Variants in NIPBL observed in about 807,000 individuals in gnomAD.
NIPBL encodes the protein NIPBL cohesin loading factor, also known as nipped-B-like protein.
NIPBL carries 19 observed loss-of-function variants against 321.8 expected under a neutral mutation model. That is an observed-to-expected ratio of 0.06 (90% confidence interval 0.04 to 0.09). The LOEUF (loss-of-function observed/expected upper bound fraction) is 0.09, where lower values mean the gene tolerates loss of function less well. Among genes scored for constraint, NIPBL ranks in the 10% least tolerant of loss-of-function variants. NIPBL has a pLI of 1.00. For missense variants in NIPBL, 2,210 were observed against 3,327.0 expected (o/e 0.66, Z 8.26); for synonymous variants, 1,106 against 1,114.1 (o/e 0.99, Z 0.14).
At chr5:36,913,859 A>C (rs996820984) in intron 1 of NIPBL, among the ~76,000 whole-genome samples, 1 of 152,172 alleles carries the variant, frequency 6.6e-6, no homozygotes, top group African/African-American at 2.4e-5. Flanking sequence ...AAGTAAATGG[A>C]CCAGAATAAA....
chr5:36,945,500 A>C (rs991508480), intron 1 of NIPBL, among the ~76,000 whole-genome samples: 1 of 149,772 alleles, frequency 6.7e-6, no homozygotes, highest in Non-Finnish European at 1.5e-5. Context: ...TCAGTAGTGT[A>C]AATATATCCT....
intron 45 of NIPBL, among the ~76,000 whole-genome samples, chr5:37,063,433 G>T (rs1347841849): frequency 1.3e-5 from 2 of 152,208 alleles, no homozygotes; most frequent in Non-Finnish European, 2.9e-5. Context: ...TCACCTGATT[G>T]CTTGATGACT....
At chr5:36,969,318 G>A (rs1366347600) in intron 6 of NIPBL, among the ~76,000 whole-genome samples, 1 of 152,146 alleles carries the variant, frequency 6.6e-6, no homozygotes, top group Non-Finnish European at 1.5e-5. Flanking sequence ...TCATATAGAA[G>A]TTGTTCAAGA....
intron 1 of NIPBL, among the ~76,000 whole-genome samples, chr5:36,898,658 T>C (rs560435293): frequency 6.6e-6 from 1 of 152,142 alleles, no homozygotes; most frequent in East Asian, 1.9e-4. Flanking sequence ...ATTACAGGCA[T>C]GCGCCATCAC....
intron 15 of NIPBL, among the ~76,000 whole-genome samples, 181 bp from the exon 16 acceptor site, chr5:37,003,080 A>G (rs1472774369): frequency 6.6e-6 from 1 of 151,242 alleles, no homozygotes; most frequent in Non-Finnish European, 1.5e-5. Flanking sequence ...TTTCTTTGAC[A>G]TTTGCTTTAG....
At chr5:36,992,870 G>A (rs1745705607) in intron 10 of NIPBL, among the ~76,000 whole-genome samples, 1 of 151,890 alleles carries the variant, frequency 6.6e-6, no homozygotes, top group Admixed American at 6.6e-5. Context: ...AGCCTCCCGA[G>A]TAGCTGGGAC....
chr5:36,986,186 A>G lies in NIPBL; in HGVS notation c.3006A>G (p.Val1002=). 1 of 1,610,228 alleles carries G rather than the reference A, an allele frequency of 6.2e-7. No homozygotes were observed. Among genetic ancestry groups the G allele is most frequent in the Middle Eastern group, 1.7e-4 (1 of 6,026 alleles). Residue 1002 remains valine, a synonymous_variant, in exon 10 of 47, where the codon GTA becomes GTG. Coordinates refer to ENST00000282516, the MANE Select transcript of NIPBL (RefSeq NM_133433.4). The part of the protein sequence containing the change: ...VEDLNKGAKP[V]VVLQKLSLDD... ...ATCTAAATAAAGGAGCTAAGCCTGTAGTTGTGCTACAAAAACTGTCTTTGG... is the reference window on the plus strand; with the variant it reads ...ATCTAAATAAAGGAGCTAAGCCTGTGGTTGTGCTACAAAAACTGTCTTTGG...
At chr5:37,022,703 A>G (rs1369025637) in intron 29 of NIPBL, among the ~76,000 whole-genome samples, 2 of 152,180 alleles carry the variant, frequency 1.3e-5, no homozygotes, top group African/African-American at 4.8e-5. Flanking sequence ...AAGAATCTAG[A>G]GTGATTTTAT....
intron 10 of NIPBL, among the ~76,000 whole-genome samples, chr5:36,988,772 G>A (rs1745133974): frequency 6.6e-6 from 1 of 151,970 alleles, no homozygotes; most frequent in Non-Finnish European, 1.5e-5. Context: ...CAAAATTGAA[G>A]AGCCATAAAT....
intron 1 of NIPBL, among the ~76,000 whole-genome samples, chr5:36,901,681 G>C (rs746449175): frequency 1.3e-4 from 19 of 151,780 alleles, no homozygotes; most frequent in Non-Finnish European, 2.4e-4. Flanking sequence ...AACTAATTTT[G>C]TATTTTTAGT....
intron 25 of NIPBL, among the ~76,000 whole-genome samples, chr5:37,019,607 GTACTA>G (rs1313547523): frequency 6.6e-6 from 1 of 152,182 alleles, no homozygotes. Context: ...ATACTGTACT[GTACTA>G]AAATTGTGTG....
chr5:37,008,533 ATGGC>A lies in NIPBL; in HGVS notation c.4321-89_4321-86del, dbSNP rs1747710268. 16 of 745,664 alleles carry A rather than the reference ATGGC, an allele frequency of 2.1e-5. No homozygotes were observed. The South Asian group carries it at 2.4e-4, about 11-fold the overall frequency. The allele number at this position is 745,664 out of a possible 1,614,324, so 46.2% of individuals were successfully genotyped here. On this transcript the variant is annotated intron_variant, in intron 19 of 46. Coordinates refer to ENST00000282516, the MANE Select transcript of NIPBL (RefSeq NM_133433.4). ...GATACTGAAAACATTTTCATTCTAA[ATGGC>A]AGGTAATTTTTTAAATCACATGATA...
intron 20 of NIPBL, among the ~76,000 whole-genome samples, chr5:37,009,648 T>C (rs1362784322): frequency 6.6e-6 from 1 of 152,230 alleles, no homozygotes; most frequent in African/African-American, 2.4e-5. Context: ...TGATTTTTTA[T>C]AATCTGTGCT....
Position 36,877,152 on chromosome 5 carries a change from C to T in NIPBL, c.-106C>T. On this transcript the variant is annotated 5_prime_UTR_variant, in exon 1 of 47. Coordinates refer to ENST00000282516, the MANE Select transcript of NIPBL (RefSeq NM_133433.4). ...CTCGCCACAGCGGCCTCGGCCTCCC[C>T]TTGGATTCAGACGCCGATTCGCCCA... is the stretch of plus-strand genomic sequence containing the variant. 3.3e-6 allele frequency: 1 copy of T among 306,030 alleles called. No homozygotes were observed. The highest frequency in any genetic ancestry group is 5.9e-6 in the Non-Finnish European group (1 of 168,206). The allele number at this position is 306,030 out of a possible 1,614,324, so 19.0% of individuals were successfully genotyped here.
chr5:36,887,197 C>G (rs1745976104), intron 1 of NIPBL, among the ~76,000 whole-genome samples: 1 of 152,122 alleles, frequency 6.6e-6, no homozygotes, highest in African/African-American at 2.4e-5. Context: ...GTTTAATTCT[C>G]TACCAAGCAT....
In NIPBL at chr5:37,044,443, A is replaced by G; in HGVS notation, c.6205A>G (p.Ile2069Val). Residue 2069 changes from isoleucine (I) to valine (V), a missense_variant, in exon 35 of 47, where the codon ATT becomes GTT. By Grantham distance (29) the Ile-to-Val change is conservative. Around this residue, in one of 14 missense-constraint regions of NIPBL, gnomAD observed 73 missense variants for 222.3 expected, o/e 0.33. Coordinates refer to ENST00000282516, the MANE Select transcript of NIPBL (RefSeq NM_133433.4). ...EHPSETFLAT[I>V]EEDLMKLIIK... The stretch of plus-strand genomic sequence containing the variant: ...TCCAAGTGAAACTTTTCTTGCCACT[A>G]TTGAGGAAGATCTAATGAAGCTCAT... 1.9e-6 allele frequency: 3 copies of G among 1,614,018 alleles called. No individual in the cohort carries two copies. The highest frequency in any genetic ancestry group is 1.7e-6 in the Non-Finnish European group (2 of 1,179,898).
intron 14 of NIPBL, 123 bp from the exon 15 acceptor site, chr5:37,002,539 A>G: frequency 1.4e-6 from 1 of 699,994 alleles, no homozygotes; most frequent in Non-Finnish European, 2.6e-6. Context: ...TTATATATAG[A>G]GGCGTCTTAG....
chr5:37,026,890 A>G (rs1239545005), intron 31 of NIPBL, among the ~76,000 whole-genome samples: 1 of 151,748 alleles, frequency 6.6e-6, no homozygotes, highest in Non-Finnish European at 1.5e-5. Context: ...CAGCCTGGGC[A>G]ATATAATAGC....
chr5:36,990,101 A>G (rs150764624), intron 10 of NIPBL, among the ~76,000 whole-genome samples: 47 of 152,194 alleles, frequency 3.1e-4, no homozygotes, highest in African/African-American at 1.1e-3. Flanking sequence ...ATTATTTGTT[A>G]TTTGACATCA....
Sources: allele counts gnomAD v4.1 joint callset (sites outside exome capture counted in the v4.1 genomes callset), GRCh38; gene constraint gnomAD v4.1.1; regional missense constraint gnomAD v4.1.1; transcripts MANE v1.5; gene names NCBI Gene and HGNC (gene_info 2026-07-23, HGNC 2026-07-21).